The following IL1RAPL1 variants were observed in gnomAD, a reference collection of about 807,000 sequenced individuals.
IL1RAPL1 encodes interleukin-1 receptor accessory protein-like 1.
Under a neutral mutation model 48.4 loss-of-function variants are expected in IL1RAPL1, and 3 were observed. That is an observed-to-expected ratio of 0.06 (90% CI 0.03 to 0.16). The LOEUF (loss-of-function observed/expected upper bound fraction) is 0.16. Among genes scored for constraint, IL1RAPL1 ranks in the 10% least tolerant of loss-of-function variants. IL1RAPL1 has a pLI of 1.00. For synonymous variants in IL1RAPL1, 185 were observed against 187.7 expected, an observed-to-expected ratio of 0.99 and a Z score of 0.12; for missense variants, 349 against 530.6, an observed-to-expected ratio of 0.66 and a Z score of 3.36.
chrX:29,418,163 C>T (rs773337405), intron 5 of IL1RAPL1, among the ~76,000 whole-genome samples: 2 of 79,647 alleles, frequency 2.5e-5, no homozygotes, highest in African/African-American at 5.1e-5. Context: ...CTTGCTCTGT[C>T]GCCCAGGCTG....
intron 6 of IL1RAPL1, among the ~76,000 whole-genome samples, chrX:29,738,816 C>T (rs1267387500): frequency 3.6e-5 from 4 of 112,040 alleles, no homozygotes; most frequent in African/African-American, 9.7e-5. Context: ...GAACAGGGCT[C>T]TCTTGGAGAG....
chrX:28,933,931 T>C (rs1463919975), intron 2 of IL1RAPL1, among the ~76,000 whole-genome samples: 3 of 111,720 alleles, frequency 2.7e-5, no homozygotes, highest in Non-Finnish European at 3.8e-5. Context: ...TATTTTAGCA[T>C]GCTAATGCAT....
At chrX:29,297,780 A>G (rs1056723942) in intron 3 of IL1RAPL1, among the ~76,000 whole-genome samples, 2 of 112,439 alleles carry the variant, frequency 1.8e-5, no homozygotes, top group African/African-American at 6.4e-5. Flanking sequence ...ATATTTTGTA[A>G]TTGAATTTGT....
chrX:28,998,764 A>G (rs185726576), intron 2 of IL1RAPL1, among the ~76,000 whole-genome samples: 13 of 112,049 alleles, frequency 1.2e-4, no homozygotes, highest in Middle Eastern at 4.6e-3. Context: ...GCTATGATGT[A>G]TCTTTTCTGT....
chrX:28,855,743 C>T (rs981248645), intron 2 of IL1RAPL1, among the ~76,000 whole-genome samples: 4 of 111,383 alleles, frequency 3.6e-5, no homozygotes, highest in East Asian at 5.7e-4. Context: ...AGAGCCTTAA[C>T]GCCTACAAAG....
chrX:29,748,995 A>T (rs1009809759), intron 6 of IL1RAPL1, among the ~76,000 whole-genome samples: 16 of 112,781 alleles, frequency 1.4e-4, no homozygotes, highest in Admixed American at 4.7e-4. Context: ...ATAGAAAGAG[A>T]ATTTAAACAA....
chrX:29,370,473 C>T (rs759806934), intron 3 of IL1RAPL1, among the ~76,000 whole-genome samples: 1 of 106,173 alleles, frequency 9.4e-6, no homozygotes. Flanking sequence ...TTAGTCTGTT[C>T]TTTTTTTTTT....
chrX:29,062,758 T>G (rs1435119717), intron 2 of IL1RAPL1, among the ~76,000 whole-genome samples: 1 of 111,807 alleles, frequency 8.9e-6, no homozygotes, highest in African/African-American at 3.2e-5. Context: ...ATATTTGCCT[T>G]TATTTTACCC....
chrX:29,639,431 G>A (rs1925092450), intron 5 of IL1RAPL1, among the ~76,000 whole-genome samples: 1 of 110,698 alleles, frequency 9.0e-6, no homozygotes, highest in Non-Finnish European at 1.9e-5. Flanking sequence ...GACCTGACTA[G>A]TTATCCTGGC....
intron 2 of IL1RAPL1, among the ~76,000 whole-genome samples, chrX:29,159,836 C>G: frequency 9.0e-6 from 1 of 111,589 alleles, no homozygotes; most frequent in Non-Finnish European, 1.9e-5. Flanking sequence ...CTTAGCCTCC[C>G]GAGTAGCTGG....
At chrX:29,434,477 G>A (rs1447246231) in intron 5 of IL1RAPL1, among the ~76,000 whole-genome samples, 1 of 110,695 alleles carries the variant, frequency 9.0e-6, no homozygotes, top group African/African-American at 3.3e-5. Context: ...TAACGTGCTG[G>A]TCATGTGAAG....
intron 2 of IL1RAPL1, among the ~76,000 whole-genome samples, chrX:29,188,029 T>C (rs1222038345): frequency 8.9e-6 from 1 of 111,994 alleles, no homozygotes; most frequent in African/African-American, 3.2e-5. Context: ...TTCCTCTCTT[T>C]GTAAATGAAA....
At chrX:28,951,068 A>G (rs1174834816) in intron 2 of IL1RAPL1, among the ~76,000 whole-genome samples, 113 of 88,707 alleles carry the variant, frequency 1.3e-3, no homozygotes, top group African/African-American at 4.6e-3. Flanking sequence ...TGGGAATTGA[A>G]CAATGAGAAC....
At chrX:28,704,796 T>TCACACACACA (rs201309320) in intron 1 of IL1RAPL1, among the ~76,000 whole-genome samples, 1 of 50,579 alleles carries the variant, frequency 2.0e-5, no homozygotes, top group African/African-American at 1.0e-4. Context: ...AGGTTTGAGT[T>TCACACACACA]CACACACACA....
Position 29,671,784 on chromosome X carries a change from C to T in IL1RAPL1, c.778+3280C>T, listed in dbSNP as rs187228180. On this transcript the variant is annotated intron_variant, in intron 6 of 10. Coordinates refer to ENST00000378993, the MANE Select transcript of IL1RAPL1 (RefSeq NM_014271.4). ...ACGGCCAGGAGCCCACTTTCAGAAC[C>T]GTCCAGGACAGAGAGCATATTCTAT... 4.2e-4 allele frequency among the ~76,000 whole-genome samples: 47 copies of T among 111,911 alleles called. 1 individual carries two copies. Among genetic ancestry groups the T allele is most frequent in the African/African-American group, 1.5e-3 (45 of 30,852 alleles).
chrX:28,998,314 C>G (rs1314623274), intron 2 of IL1RAPL1, among the ~76,000 whole-genome samples: 1 of 110,950 alleles, frequency 9.0e-6, no homozygotes, highest in East Asian at 2.8e-4. Context: ...AACTTCAACA[C>G]AATTCTCAGA....
At chrX:29,629,876 ACTGGC>A (rs1177731516) in intron 5 of IL1RAPL1, among the ~76,000 whole-genome samples, 1 of 111,499 alleles carries the variant, frequency 9.0e-6, no homozygotes, top group Non-Finnish European at 1.9e-5. Flanking sequence ...TTCCTCTCCC[ACTGGC>A]CTGAAAGAGT....
At chrX:28,609,726 C>T (rs1159272069) in intron 1 of IL1RAPL1, among the ~76,000 whole-genome samples, 3 of 109,158 alleles carry the variant, frequency 2.7e-5, no homozygotes, top group African/African-American at 1.0e-4. Context: ...CTTACTCATC[C>T]TCTAATACCC....
chrX:29,104,175 T>C (rs1394364207), intron 2 of IL1RAPL1, among the ~76,000 whole-genome samples: 1 of 112,343 alleles, frequency 8.9e-6, no homozygotes, highest in African/African-American at 3.2e-5. Context: ...TGCACTCTCG[T>C]GTTTGATTAC....
Sources: allele counts gnomAD v4.1 joint callset (sites outside exome capture counted in the v4.1 genomes callset), GRCh38; gene constraint gnomAD v4.1.1; transcripts MANE v1.5; gene names NCBI Gene and HGNC (gene_info 2026-07-23, HGNC 2026-07-21).